Variants in RHBDD1 observed in about 807,000 individuals in gnomAD.
RHBDD1 encodes rhomboid domain containing 1, also known as rhomboid-related protein 4.
In RHBDD1, 38 loss-of-function variants were observed where a neutral mutation model predicts 36.3. The ratio of observed to expected loss-of-function variants is 1.05; its 90% confidence interval spans 0.81 to 1.37. The LOEUF is 1.37. RHBDD1 is among the 40% of genes most tolerant of loss of function. The pLI is 0.00. For synonymous variants in RHBDD1, 151 were observed against 136.5 expected, an observed-to-expected ratio of 1.11 and a Z score of -0.74; for missense variants, 393 against 377.6, an observed-to-expected ratio of 1.04 and a Z score of -0.34.
intron 8 of RHBDD1, among the ~76,000 whole-genome samples, chr2:226,939,367 C>T (rs774161188): frequency 6.6e-6 from 1 of 152,140 alleles, no homozygotes; most frequent in Non-Finnish European, 1.5e-5. Flanking sequence ...ATCCTATATC[C>T]AGAAAACTCC....
At chr2:226,820,333 GCTTTT>G in the RHBDD1 span, among the ~76,000 whole-genome samples, 30 of 151,618 alleles carry the variant, frequency 2.0e-4, no homozygotes, top group Admixed American at 2.0e-3. Context: ...CCTTTTTTTG[GCTTTT>G]CTTTTAAGCA....
intron 5 of RHBDD1, chr2:226,895,827 T>C (rs1449571737): frequency 3.0e-6 from 3 of 984,972 alleles, no homozygotes; most frequent in Non-Finnish European, 3.6e-6. Context: ...TATTTAGGCT[T>C]ATCCACCACA....
intron 3 of RHBDD1, among the ~76,000 whole-genome samples, chr2:226,844,480 A>C (rs1489760723): frequency 1.3e-5 from 2 of 152,068 alleles, no homozygotes; most frequent in Non-Finnish European, 2.9e-5. Context: ...CCCCCTTTTC[A>C]CTAGTTGTTG....
intron 8 of RHBDD1, among the ~76,000 whole-genome samples, chr2:226,994,392 C>G (rs10210997): frequency 6.6e-6 from 1 of 151,956 alleles, no homozygotes; most frequent in African/African-American, 2.4e-5. Context: ...GACAAACAAA[C>G]GGAAGGTGCC....
At chr2:226,854,426 C>T (rs1008513863) in intron 3 of RHBDD1, among the ~76,000 whole-genome samples, 1 of 151,914 alleles carries the variant, frequency 6.6e-6, no homozygotes, top group African/African-American at 2.4e-5. Context: ...AACCCTGTCT[C>T]TACTAAAAAA....
At chr2:226,925,387 A>C (rs1171701474) in intron 8 of RHBDD1, among the ~76,000 whole-genome samples, 1 of 152,212 alleles carries the variant, frequency 6.6e-6, no homozygotes, top group East Asian at 1.9e-4. Context: ...TAAAATGGAA[A>C]TATTAGGCAT....
rs192119261 is a variant in RHBDD1, at chr2:226,923,324, A to T, written c.856+8973A>T. Among the ~76,000 whole-genome samples the T allele has an allele frequency of 1.1e-3, 169 of 152,188 alleles. 1 individual carries two copies. The highest frequency in any genetic ancestry group is 3.5e-3 in the African/African-American group (146 of 41,524). ...GATAAATTTTTTTTTCCCCTTCAGCACTTTAAATATATCATGCCATTCTCT... is the reference window on the plus strand; with the variant it reads ...GATAAATTTTTTTTTCCCCTTCAGCTCTTTAAATATATCATGCCATTCTCT... On this transcript the variant is annotated intron_variant, in intron 8 of 8. Transcript: ENST00000392062.
At chr2:226,913,990 C>T (rs1011580751) in intron 7 of RHBDD1, among the ~76,000 whole-genome samples, 1 of 152,222 alleles carries the variant, frequency 6.6e-6, no homozygotes, top group Non-Finnish European at 1.5e-5. Context: ...CTCCTTTCCT[C>T]ATTAGCACAT....
chr2:226,929,833 A>G (rs1405854871), intron 8 of RHBDD1, among the ~76,000 whole-genome samples: 1 of 152,068 alleles, frequency 6.6e-6, no homozygotes, highest in Non-Finnish European at 1.5e-5. Flanking sequence ...AATCAGTAGC[A>G]CTGCTACACA....
intron 3 of RHBDD1, among the ~76,000 whole-genome samples, chr2:226,845,663 CA>C (rs1391693329): frequency 1.3e-5 from 2 of 152,198 alleles, no homozygotes; most frequent in Non-Finnish European, 2.9e-5. Context: ...AATGTGGCAA[CA>C]GCTCCTGTAT....
intron 5 of RHBDD1, among the ~76,000 whole-genome samples, chr2:226,884,660 T>C (rs1289998047): frequency 6.6e-6 from 1 of 152,180 alleles, no homozygotes; most frequent in Non-Finnish European, 1.5e-5. Context: ...GCCATAAACG[T>C]GTTAAAGATA....
chr2:226,890,573 G>A (rs897999589), intron 5 of RHBDD1, among the ~76,000 whole-genome samples: 1 of 152,164 alleles, frequency 6.6e-6, no homozygotes, highest in Non-Finnish European at 1.5e-5. Flanking sequence ...ATTGAGGCCT[G>A]CTGGATTCTA....
intron 5 of RHBDD1, among the ~76,000 whole-genome samples, chr2:226,903,601 GA>G (rs1214601677): frequency 1.3e-5 from 2 of 152,030 alleles, no homozygotes; most frequent in East Asian, 3.9e-4. Context: ...CAGAAAATGG[GA>G]AAAAATGTTC....
intron 8 of RHBDD1, among the ~76,000 whole-genome samples, chr2:226,925,149 T>C (rs1228054686): frequency 6.6e-6 from 1 of 152,222 alleles, no homozygotes. Context: ...CTGATATGAA[T>C]GCAAATTGGT....
the RHBDD1 span, among the ~76,000 whole-genome samples, chr2:226,801,510 C>G: frequency 6.6e-6 from 1 of 152,172 alleles, no homozygotes; most frequent in South Asian, 2.1e-4. Flanking sequence ...GGGAGCCTCT[C>G]GTTTCTCCTC....
rs1353518445 is a variant in RHBDD1, at chr2:226,998,240, T to A, written c.*2718T>A. On this transcript the variant is annotated 3_prime_UTR_variant, in exon 9 of 9. Coordinates refer to ENST00000392062, the MANE Select transcript of RHBDD1 (RefSeq NM_001167608.3). ...CTGTGATTCCAAAGTTGTACATAAT[T>A]GTTCAGACCTCCTCCATCCTTTTAA... 5 of 152,184 alleles carry A rather than the reference T, an allele frequency of 3.3e-5. No homozygotes were observed. Among genetic ancestry groups the A allele is most frequent in the African/African-American group, 1.2e-4 (5 of 41,432 alleles). 9.4% of individuals were successfully genotyped at this position (152,184 alleles called of 1,614,324 possible). A position where few individuals can be genotyped will look rare whatever the true frequency, so the allele number is the denominator to read the frequency against.
chr2:226,833,792 GAT>G (rs377598454), upstream of RHBDD1, among the ~76,000 whole-genome samples: 1,121 of 152,218 alleles, frequency 7.4e-3, 12 homozygotes, highest in South Asian at 0.043. Context: ...TGCTGCTGCT[GAT>G]TGCTTCATAT....
chr2:226,888,406 G>C (rs928256507), intron 5 of RHBDD1, among the ~76,000 whole-genome samples: 25 of 139,194 alleles, frequency 1.8e-4, no homozygotes, highest in African/African-American at 7.9e-4. Context: ...TGAAATCTCA[G>C]TGAGGTTTTT....
intron 3 of RHBDD1, among the ~76,000 whole-genome samples, chr2:226,848,274 G>C (rs16822755): frequency 0.036 from 5,469 of 152,184 alleles, 339 homozygotes; most frequent in African/African-American, 0.12. Flanking sequence ...TAGAATATAA[G>C]TTTTACATAG....
Sources: allele counts gnomAD v4.1 joint callset (sites outside exome capture counted in the v4.1 genomes callset), GRCh38; gene constraint gnomAD v4.1.1; transcripts MANE v1.5; gene names NCBI Gene and HGNC (gene_info 2026-07-23, HGNC 2026-07-21).